CCDC85A: variants seen among roughly 807,000 people sequenced by gnomAD.
CCDC85A encodes coiled-coil domain containing 85A, also known as coiled-coil domain-containing protein 85A.
In CCDC85A, 38 loss-of-function variants were observed where a neutral mutation model predicts 50.2. That is an observed-to-expected ratio of 0.76 (90% CI 0.58 to 0.99). The LOEUF is 0.99. Ranked by LOEUF, CCDC85A falls within the 50% of genes least tolerant of loss-of-function variation. CCDC85A has a pLI of 0.00. For missense variants in CCDC85A, 820 were observed against 742.0 expected (o/e 1.11, Z -1.22); for synonymous variants, 366 against 301.4 (o/e 1.21, Z -2.22).
At chr2:56,321,273 G>T (rs1673171224) in intron 2 of CCDC85A, among the ~76,000 whole-genome samples, 1 of 152,266 alleles carries the variant, frequency 6.6e-6, no homozygotes, top group East Asian at 1.9e-4. Flanking sequence ...TCAACATAGT[G>T]TTGGAAGTTC....
At chr2:56,329,334 A>T (rs1398978709) in intron 2 of CCDC85A, among the ~76,000 whole-genome samples, 1 of 152,108 alleles carries the variant, frequency 6.6e-6, no homozygotes, top group Non-Finnish European at 1.5e-5. Flanking sequence ...TGGTGTGCTT[A>T]TTTATGTACC....
chr2:56,230,005 A>G (rs1470771858), intron 2 of CCDC85A, among the ~76,000 whole-genome samples: 1 of 152,216 alleles, frequency 6.6e-6, no homozygotes, highest in Non-Finnish European at 1.5e-5. Context: ...AGGTTGATGC[A>G]AATATTAATG....
At chr2:56,204,628 A>G (rs376724222) in intron 2 of CCDC85A, among the ~76,000 whole-genome samples, 4 of 152,026 alleles carry the variant, frequency 2.6e-5, no homozygotes, top group African/African-American at 7.2e-5. Flanking sequence ...TTTTCTCCCT[A>G]CCTGCCACTC....
At chr2:56,248,499 TCA>T (rs1669609241) in intron 2 of CCDC85A, among the ~76,000 whole-genome samples, 1 of 152,124 alleles carries the variant, frequency 6.6e-6, no homozygotes, top group South Asian at 2.1e-4. Context: ...TCCGGAGGCC[TCA>T]GTTTCCACTC....
At chr2:56,333,186 C>G (rs1673900638) in intron 2 of CCDC85A, among the ~76,000 whole-genome samples, 1 of 152,084 alleles carries the variant, frequency 6.6e-6, no homozygotes, top group South Asian at 2.1e-4. Flanking sequence ...CAGGATAAAG[C>G]AGATCAGGAG....
At chr2:56,366,821 A>G (rs1370358194) in intron 3 of CCDC85A, among the ~76,000 whole-genome samples, 1 of 152,068 alleles carries the variant, frequency 6.6e-6, no homozygotes, top group Non-Finnish European at 1.5e-5. Flanking sequence ...ATCCTTCACC[A>G]CATGTGACGC....
chr2:56,295,922 A>C (rs1671926858), intron 2 of CCDC85A, among the ~76,000 whole-genome samples: 1 of 152,214 alleles, frequency 6.6e-6, no homozygotes, highest in African/African-American at 2.4e-5. Flanking sequence ...AGGATTCTGC[A>C]AATCTAGCTG....
intron 2 of CCDC85A, among the ~76,000 whole-genome samples, chr2:56,339,101 A>G (rs1446082355): frequency 2.0e-5 from 3 of 152,226 alleles, no homozygotes; most frequent in Non-Finnish European, 4.4e-5. Flanking sequence ...GTTCTGAGAA[A>G]GTTATTAAGG....
In CCDC85A at chr2:56,332,294, T is replaced by G. The variant is rs1673845409; in HGVS notation, c.1241-10585T>G. Among the ~76,000 whole-genome samples, 3 of 152,152 alleles carry G rather than the reference T, an allele frequency of 2.0e-5. No homozygotes were observed. The South Asian group carries it at 6.2e-4, about 32-fold the overall frequency. On this transcript the variant is annotated intron_variant, in intron 2 of 5. Coordinates refer to ENST00000407595, the MANE Select transcript of CCDC85A (RefSeq NM_001080433.2). ...CCCCTTCATAGTCCTTTTGGGCTGA[T>G]ACAACAGAATACCTTAGGTTGGGTA...
chr2:56,360,017 TG>T (rs780868350), intron 3 of CCDC85A, among the ~76,000 whole-genome samples: 71 of 152,190 alleles, frequency 4.7e-4, no homozygotes, highest in Non-Finnish European at 8.2e-4. Flanking sequence ...CTCACTTACT[TG>T]TCTTTGTCAC....
intron 5 of CCDC85A, among the ~76,000 whole-genome samples, chr2:56,382,337 A>C (rs1676625048): frequency 6.6e-6 from 1 of 151,910 alleles, no homozygotes; most frequent in Admixed American, 6.6e-5. Context: ...GGACCACAGA[A>C]GTTTTGCTGT....
At chr2:56,379,741 C>T (rs1676497381) in intron 5 of CCDC85A, 1 of 964,330 alleles carries the variant, frequency 1.0e-6, no homozygotes, top group African/African-American at 1.8e-5. Context: ...TCTTTTTCAA[C>T]AAATCCAGGT....
chr2:56,228,667 G>A (rs373130693), intron 2 of CCDC85A, among the ~76,000 whole-genome samples: 23 of 152,092 alleles, frequency 1.5e-4, no homozygotes, highest in African/African-American at 5.5e-4. Flanking sequence ...CGAGTAGCTG[G>A]GACTACAGGG....
At chr2:56,312,665 G>C (rs1028074419) in intron 2 of CCDC85A, among the ~76,000 whole-genome samples, 1 of 152,138 alleles carries the variant, frequency 6.6e-6, no homozygotes, top group Admixed American at 6.6e-5. Flanking sequence ...TACAGTCCCA[G>C]TAGGAAGACA....
intron 2 of CCDC85A, among the ~76,000 whole-genome samples, chr2:56,280,411 A>C (rs1345671875): frequency 6.6e-6 from 1 of 152,210 alleles, no homozygotes; most frequent in African/African-American, 2.4e-5. Context: ...GCCATTTCTT[A>C]GTCAATGAGA....
chr2:56,202,200 T>G (rs564489232), intron 2 of CCDC85A, among the ~76,000 whole-genome samples: 1 of 152,344 alleles, frequency 6.6e-6, no homozygotes, highest in Non-Finnish European at 1.5e-5. Context: ...TAGAAAAGTA[T>G]CAGAGAAGAC....
At chr2:56,349,832 A>C (rs1335496604) in intron 3 of CCDC85A, among the ~76,000 whole-genome samples, 2 of 152,076 alleles carry the variant, frequency 1.3e-5, no homozygotes, top group East Asian at 1.9e-4. Context: ...ATGAAGGTAC[A>C]TTCAAAACTT....
At chr2:56,214,491 T>A (rs192776424) in intron 2 of CCDC85A, among the ~76,000 whole-genome samples, 4 of 152,128 alleles carry the variant, frequency 2.6e-5, no homozygotes, top group African/African-American at 9.6e-5. Flanking sequence ...GTGAGTGATT[T>A]TGCAGTGTAC....
At chr2:56,375,622 T>C (rs531582143) in intron 4 of CCDC85A, among the ~76,000 whole-genome samples, 194 bp from the exon 5 acceptor site, 2 of 152,324 alleles carry the variant, frequency 1.3e-5, no homozygotes, top group East Asian at 3.9e-4. Context: ...TTGAAGTGGC[T>C]CTTCTTTATG....
Sources: allele counts gnomAD v4.1 joint callset (sites outside exome capture counted in the v4.1 genomes callset), GRCh38; gene constraint gnomAD v4.1.1; transcripts MANE v1.5; gene names NCBI Gene and HGNC (gene_info 2026-07-23, HGNC 2026-07-21).